The following TRIM29 variants were observed in gnomAD, a reference collection of about 807,000 sequenced individuals.
TRIM29 encodes tripartite motif containing 29.
A neutral mutation model predicts 57.3 loss-of-function variants in TRIM29; 52 were observed. The observed-to-expected ratio is 0.91, with a 90% confidence interval of 0.73 to 1.14. TRIM29 has a LOEUF of 1.14. Ranked by LOEUF, TRIM29 falls within the 50% of genes most tolerant of loss-of-function variation. TRIM29 has a pLI of 0.00. For missense variants in TRIM29, 753 were observed against 774.6 expected, an observed-to-expected ratio of 0.97 and a Z score of 0.33; for synonymous variants, 319 against 316.9, an observed-to-expected ratio of 1.01 and a Z score of -0.07.
chr11:120,132,709 G>A (rs979817538), intron 1 of TRIM29, among the ~76,000 whole-genome samples: 1 of 152,192 alleles, frequency 6.6e-6, no homozygotes, highest in African/African-American at 2.4e-5. Context: ...ATGGGCCATC[G>A]GCTGTGACAT....
chr11:120,126,254 CTTTCTT>C, intron 3 of TRIM29: 1 of 155,434 alleles, frequency 6.4e-6, no homozygotes, highest in African/African-American at 2.6e-5. Context: ...GTATTTCTTT[CTTTCTT>C]TTTTTTTTTT....
Position 120,137,251 on chromosome 11 carries a change from C to A in TRIM29, c.781G>T (p.Glu261Ter). 6.2e-7 allele frequency: 1 copy of A among 1,614,184 alleles called. No individual in the cohort carries two copies. The highest frequency in any genetic ancestry group is 8.5e-7 in the Non-Finnish European group (1 of 1,180,040). Residue 261 changes from glutamate (E) to a stop codon, truncating the protein, a stop_gained, in exon 1 of 9, where the codon GAG becomes TAG. Coordinates refer to ENST00000341846, the MANE Select transcript of TRIM29 (RefSeq NM_012101.4). LOFTEE classifies it high-confidence loss of function. This position sits in a 1 kb window ranked among gnomAD's most constrained non-coding sequence, Gnocchi z 6.2. ...ACCTCCTTCTCGGCCTTGGCCTCCT[C>A]CACTGTCACGGTGCTATGATTCTTG... ...EHKNHSTVTV[E>*]EAKAEKETEL...
intron 2 of TRIM29, 90 bp downstream of exon 2, chr11:120,128,304 GTGGGCC>G: frequency 1.0e-6 from 1 of 997,328 alleles, no homozygotes; most frequent in Non-Finnish European, 1.5e-6. Context: ...GGATGTCTAC[GTGGGCC>G]TGGGACTCAA....
rs955511744 is a variant in TRIM29 at position 120,121,756 on chromosome 11, C to A, written c.1436-1091G>T. The A allele has an allele frequency of 3.1e-5, 8 of 256,270 alleles. No homozygotes were observed. The East Asian group carries it at 7.3e-4, about 23-fold the overall frequency. 15.9% of individuals were successfully genotyped at this position (256,270 alleles called of 1,614,324 possible). ...TCCCACAACCTGCAGGAGGCTCACA[C>A]TGGGCCCTCAGTCTCCTACAGAGCA... On this transcript the variant is annotated intron_variant, in intron 5 of 8. Transcript: ENST00000341846.
intron 7 of TRIM29, 153 bp from the exon 8 acceptor site, chr11:120,115,567 A>C: frequency 1.5e-6 from 1 of 664,356 alleles, no homozygotes; most frequent in Non-Finnish European, 2.5e-6. Context: ...TGCAGCAGCC[A>C]GGGTGCCGCA....
Position 120,118,159 on chromosome 11 carries a change from A to G in TRIM29, c.1627+64T>C, listed in dbSNP as rs769517397. 21 of 1,465,260 alleles carry G rather than the reference A, an allele frequency of 1.4e-5. No homozygotes were observed. In the African/African-American group the frequency reaches 2.5e-4, roughly 18 times the overall value. The allele number at this position is 1,465,260 out of a possible 1,614,324, so 90.8% of individuals were successfully genotyped here. ...ACTAGCAGCTCAGCGAAGAGACCCA[A>G]GCAGGGCTTGGGAGGTGTGAGGCAG... is the stretch of plus-strand genomic sequence containing the variant. On this transcript the variant is annotated intron_variant, in intron 7 of 8. Transcript: ENST00000341846.
chr11:120,118,095 C>T, intron 7 of TRIM29, 128 bp downstream of exon 7: 3 of 884,548 alleles, frequency 3.4e-6, no homozygotes, highest in East Asian at 2.7e-5. Flanking sequence ...CTCCCGGGCT[C>T]TCAGGCCAGG....
chr11:120,118,027 G>A (rs1252532053), intron 7 of TRIM29, 196 bp downstream of exon 7: 4 of 593,428 alleles, frequency 6.7e-6, no homozygotes, highest in Non-Finnish European at 1.2e-5. Context: ...CCTGGGAAAC[G>A]CTGATGTGGC....
At chr11:120,119,647 G>A (rs1863384334) in intron 6 of TRIM29, among the ~76,000 whole-genome samples, 1 of 152,220 alleles carries the variant, frequency 6.6e-6, no homozygotes, top group Admixed American at 6.5e-5. Flanking sequence ...ATGTGGAGGA[G>A]GGGTGCCGCT....
At chr11:120,118,190 G>T in intron 7 of TRIM29, 33 bp downstream of exon 7, 1 of 1,590,696 alleles carries the variant, frequency 6.3e-7, no homozygotes, top group East Asian at 2.2e-5. Flanking sequence ...GGCAGCTGTG[G>T]AGGAAAGCAG....
intron 2 of TRIM29, among the ~76,000 whole-genome samples, chr11:120,127,819 T>C (rs1410091920): frequency 3.9e-5 from 6 of 152,106 alleles, no homozygotes; most frequent in Non-Finnish European, 8.8e-5. Flanking sequence ...TCTTGGTGGG[T>C]TGATATGAGC....
chr11:120,135,383 TG>T (rs1863797226), intron 1 of TRIM29, among the ~76,000 whole-genome samples: 1 of 152,158 alleles, frequency 6.6e-6, no homozygotes, highest in South Asian at 2.1e-4. Context: ...CCTCACCCCT[TG>T]GGAGAATGAG....
intron 6 of TRIM29, among the ~76,000 whole-genome samples, chr11:120,119,055 G>T (rs117428047): frequency 6.6e-6 from 1 of 152,142 alleles, no homozygotes; most frequent in Non-Finnish European, 1.5e-5. Context: ...ATGAACCAAC[G>T]AACGAATGAA....
intron 5 of TRIM29, chr11:120,121,641 A>T (rs1400372904): frequency 5.3e-6 from 1 of 187,692 alleles, no homozygotes; most frequent in African/African-American, 2.3e-5. Flanking sequence ...CCCTCTCTTC[A>T]GATACAGGTA....
chr11:120,119,619 G>T (rs942917817), intron 6 of TRIM29, among the ~76,000 whole-genome samples: 4 of 152,210 alleles, frequency 2.6e-5, no homozygotes, highest in Admixed American at 2.6e-4. Context: ...TCCTCAAGGT[G>T]CCCAAGGTCT....
intron 1 of TRIM29, among the ~76,000 whole-genome samples, chr11:120,134,566 G>A (rs978813891): frequency 4.6e-5 from 7 of 152,148 alleles, no homozygotes; most frequent in East Asian, 1.9e-4. Context: ...GAGACAGCCC[G>A]TGTGCCCAGC....
rs1477354181 is a variant in TRIM29 at position 120,137,026 on chromosome 11, G to T, written c.804+202C>A. 2.0e-5 allele frequency among the ~76,000 whole-genome samples: 3 copies of T among 152,178 alleles called. No individual in the cohort carries two copies. Among genetic ancestry groups the T allele is most frequent in the Admixed American group, 2.0e-4 (3 of 15,288 alleles). ...TGTCCCTGTCTCCTGAGACCTTAGG[G>T]GATTGGGGAGCAACCTCTGATCCCC... On this transcript the variant is annotated intron_variant, in intron 1 of 8. Coordinates refer to ENST00000341846, the MANE Select transcript of TRIM29 (RefSeq NM_012101.4). This position sits in a 1 kb window ranked among gnomAD's most constrained non-coding sequence, Gnocchi z 6.2.
At chr11:120,128,887 A>C (rs1471432949) in intron 1 of TRIM29, 7 of 1,445,068 alleles carry the variant, frequency 4.8e-6, no homozygotes, top group Non-Finnish European at 6.4e-6. Flanking sequence ...AGCCCAGCTC[A>C]GCCCAGCCCA....
At chr11:120,114,070 C>T (rs901522007) in intron 8 of TRIM29, among the ~76,000 whole-genome samples, 1 of 152,150 alleles carries the variant, frequency 6.6e-6, no homozygotes, top group South Asian at 2.1e-4. Context: ...AATGAGACAG[C>T]TGGGGCCAGC....
Sources: gnomAD v4.1 joint callset for allele counts (sites outside exome capture counted in the v4.1 genomes callset) on GRCh38, gnomAD v4.1.1 for gene constraint, Gnocchi (gnomAD v3.1) non-coding constraint, MANE v1.5 for transcripts, NCBI Gene and HGNC (gene_info 2026-07-23, HGNC 2026-07-21) for gene names.